The following RASA2 variants were observed in gnomAD, a reference collection of about 807,000 sequenced individuals.
RASA2 encodes the protein RAS p21 protein activator 2.
Under a neutral mutation model 118.2 loss-of-function variants are expected in RASA2, and 155 were observed. That is an observed-to-expected ratio of 1.31 (90% confidence interval 1.15 to 1.50). The LOEUF (loss-of-function observed/expected upper bound fraction) is 1.50. RASA2 is among the 40% of genes most tolerant of loss of function. The pLI, the probability that RASA2 is intolerant of heterozygous loss-of-function variation, is 0.00. For synonymous variants in RASA2, 353 were observed against 349.1 expected (o/e 1.01, Z -0.12); for missense variants, 1,016 against 1,009.6 (o/e 1.01, Z -0.09).
chr3:141,550,569 G>A (rs1476591359), intron 5 of RASA2, among the ~76,000 whole-genome samples: 2 of 152,252 alleles, frequency 1.3e-5, no homozygotes, highest in Non-Finnish European at 2.9e-5. Flanking sequence ...ATTTGTTGAT[G>A]AGTATACAGA....
chr3:141,512,107 C>T, intron 1 of RASA2, 56 bp from the exon 2 acceptor site: 1 of 1,184,010 alleles, frequency 8.4e-7, no homozygotes, highest in Non-Finnish European at 1.2e-6. Flanking sequence ...CTATATAAGG[C>T]TTAGTATGAA....
At chr3:141,598,864 C>G (rs1354365236) in intron 19 of RASA2, among the ~76,000 whole-genome samples, 1 of 152,078 alleles carries the variant, frequency 6.6e-6, no homozygotes, top group African/African-American at 2.4e-5. Flanking sequence ...GTGGGCAGAT[C>G]ACTTGAGGTC....
intron 19 of RASA2, among the ~76,000 whole-genome samples, chr3:141,606,501 A>G (rs1178657030): frequency 6.6e-6 from 1 of 152,152 alleles, no homozygotes; most frequent in Non-Finnish European, 1.5e-5. Flanking sequence ...ACCTAAATGC[A>G]TACTCCTTTA....
At chr3:141,524,870 C>T (rs952860084) in intron 3 of RASA2, among the ~76,000 whole-genome samples, 1 of 152,114 alleles carries the variant, frequency 6.6e-6, no homozygotes. Context: ...GGATTACACG[C>T]GTGAGCCACC....
At chr3:141,529,669 A>G (rs1346729744) in intron 3 of RASA2, 39 bp from the exon 4 acceptor site, 3 of 1,434,154 alleles carry the variant, frequency 2.1e-6, no homozygotes, top group Admixed American at 3.4e-5. Context: ...GGATTATACG[A>G]AGCATGTTTT....
chr3:141,576,097 A>G (rs549683080), intron 14 of RASA2, among the ~76,000 whole-genome samples: 3 of 152,312 alleles, frequency 2.0e-5, no homozygotes, highest in Non-Finnish European at 4.4e-5. Context: ...GTTTTTATAT[A>G]CATGCAGATG....
chr3:141,595,852 C>T (rs776026382), intron 19 of RASA2, among the ~76,000 whole-genome samples: 1 of 152,098 alleles, frequency 6.6e-6, no homozygotes, highest in Admixed American at 6.6e-5. Flanking sequence ...TGGTCTCAAA[C>T]TCCTGGACCC....
chr3:141,612,616 C>A lies in RASA2; in HGVS notation c.*303C>A. 3.7e-6 allele frequency: 1 copy of A among 267,214 alleles called. No homozygotes were observed. The highest frequency in any genetic ancestry group is 7.1e-6 in the Non-Finnish European group (1 of 141,156). The allele number at this position is 267,214 out of a possible 1,614,324, so 16.6% of individuals were successfully genotyped here. ...AAGCTTTGTAACAAAGGGAGAACTC[C>A]TCCGTAGCAAGAAACCATCTCTTCT... On this transcript the variant is annotated 3_prime_UTR_variant, in exon 24 of 24. Transcript: ENST00000286364.
intron 3 of RASA2, among the ~76,000 whole-genome samples, chr3:141,524,236 A>G (rs1481478105): frequency 2.0e-5 from 3 of 152,108 alleles, no homozygotes; most frequent in South Asian, 2.1e-4. Flanking sequence ...GGTGCTGACT[A>G]TTAGCTGGAC....
At chr3:141,543,418 T>G (rs2082434346) in intron 5 of RASA2, among the ~76,000 whole-genome samples, 1 of 152,186 alleles carries the variant, frequency 6.6e-6, no homozygotes, top group African/African-American at 2.4e-5. Flanking sequence ...AATTTTTGCT[T>G]CAGCCATCTA....
intron 19 of RASA2, among the ~76,000 whole-genome samples, chr3:141,591,384 C>A (rs532925992): frequency 3.9e-5 from 6 of 152,098 alleles, no homozygotes; most frequent in Admixed American, 2.0e-4. Flanking sequence ...ATATGGCTAC[C>A]TCAGTGTAGC....
intron 7 of RASA2, among the ~76,000 whole-genome samples, chr3:141,556,899 A>G (rs953309815): frequency 6.6e-6 from 1 of 152,150 alleles, no homozygotes; most frequent in Non-Finnish European, 1.5e-5. Flanking sequence ...CAAGGGAGAA[A>G]AAAAAAACAA....
At chr3:141,554,759 C>T (rs1349007660) in intron 6 of RASA2, among the ~76,000 whole-genome samples, 1 of 152,154 alleles carries the variant, frequency 6.6e-6, no homozygotes, top group Non-Finnish European at 1.5e-5. Context: ...GTACCTAGTA[C>T]CATGCCGGTA....
At chr3:141,572,061 T>TATATATAC (rs1250945462) in intron 11 of RASA2, among the ~76,000 whole-genome samples, 22 of 98,238 alleles carry the variant, frequency 2.2e-4, no homozygotes, top group African/African-American at 3.8e-4. Flanking sequence ...TATATATATA[T>TATATATAC]ACACACACAC....
intron 4 of RASA2, among the ~76,000 whole-genome samples, chr3:141,533,549 A>G (rs1387444068): frequency 6.6e-6 from 1 of 152,228 alleles, no homozygotes; most frequent in African/African-American, 2.4e-5. Context: ...TAGTATTAAG[A>G]TGGGCTTTAT....
At chr3:141,581,910 AAAAT>A (rs1167051500) in intron 17 of RASA2, among the ~76,000 whole-genome samples, 3 of 152,240 alleles carry the variant, frequency 2.0e-5, no homozygotes, top group Non-Finnish European at 4.4e-5. Flanking sequence ...TCATCTAAAC[AAAAT>A]ATAGCATTAT....
intron 19 of RASA2, among the ~76,000 whole-genome samples, chr3:141,605,940 A>G (rs2083541798): frequency 6.6e-6 from 1 of 152,100 alleles, no homozygotes; most frequent in Non-Finnish European, 1.5e-5. Flanking sequence ...GTTAGCAGCT[A>G]CCTGTGACAT....
chr3:141,581,252 T>G, intron 17 of RASA2, 75 bp downstream of exon 17: 1 of 1,049,396 alleles, frequency 9.5e-7, no homozygotes. Flanking sequence ...ATATATATTA[T>G]TATTATCAAT....
chr3:141,555,942 A>T, intron 7 of RASA2, 30 bp downstream of exon 7: 1 of 1,493,000 alleles, frequency 6.7e-7, no homozygotes, highest in East Asian at 2.3e-5. Flanking sequence ...AAATGTTAAC[A>T]TTAAATATGT....
Sources: allele counts gnomAD v4.1 joint callset (sites outside exome capture counted in the v4.1 genomes callset), GRCh38; gene constraint gnomAD v4.1.1; transcripts MANE v1.5; gene names NCBI Gene and HGNC (gene_info 2026-07-23, HGNC 2026-07-21).